HERC2: variants seen among roughly 807,000 people sequenced by gnomAD.
HERC2 encodes E3 ubiquitin-protein ligase HERC2.
A neutral mutation model predicts 537.7 loss-of-function variants in HERC2; 102 were observed. The observed-to-expected ratio is 0.19, with a 90% CI of 0.16 to 0.22. The LOEUF (loss-of-function observed/expected upper bound fraction) is 0.22, where lower values mean the gene tolerates loss of function less well. HERC2 is among the 10% of genes least tolerant of loss of function. HERC2 has a pLI of 1.00. For synonymous variants in HERC2, 2,224 were observed against 2,466.2 expected, an observed-to-expected ratio of 0.90 and a Z score of 2.91; for missense variants, 4,236 against 6,198.2, an observed-to-expected ratio of 0.68 and a Z score of 10.63.
chr15:28,274,468 G>A (rs368309643), intron 6 of HERC2, 21 bp from the exon 7 acceptor site: 54 of 1,588,556 alleles, frequency 3.4e-5, no homozygotes, highest in Non-Finnish European at 4.6e-5. Flanking sequence ...ACACGCGTCA[G>A]AGGAGCCCCC....
chr15:28,114,447 AC>A (rs1269982132), intron 90 of HERC2, among the ~76,000 whole-genome samples, 164 bp downstream of exon 90: 2 of 152,122 alleles, frequency 1.3e-5, no homozygotes, highest in East Asian at 3.9e-4. Flanking sequence ...ATAAATACCG[AC>A]CCTGATCACA....
intron 89 of HERC2, among the ~76,000 whole-genome samples, chr15:28,115,059 C>G (rs1888065199): frequency 6.6e-6 from 1 of 151,898 alleles, no homozygotes; most frequent in Admixed American, 6.6e-5. Context: ...AACTGGCTAG[C>G]AAGGGTTCCC....
Position 28,169,476 on chromosome 15 carries a change from A to T in HERC2, c.10229+8T>A, listed in dbSNP as rs1894477119. 6.4e-6 allele frequency: 10 copies of T among 1,554,792 alleles called. No individual in the cohort carries two copies. Among genetic ancestry groups the T allele is most frequent in the Non-Finnish European group, 7.8e-6 (9 of 1,149,500 alleles). ...TGCAGAATTTCAAAAATTAGCACAG[A>T]AGCCTACCTGGCATACATGATTTGC... is the stretch of plus-strand genomic sequence containing the variant. On this transcript the variant is annotated splice_region_variant and intron_variant, in intron 66 of 92. Transcript: ENST00000261609.
intron 83 of HERC2, 147 bp downstream of exon 83, chr15:28,130,016 G>A (rs1566923986): frequency 2.2e-5 from 19 of 867,354 alleles, no homozygotes; most frequent in Non-Finnish European, 2.8e-5. Flanking sequence ...CTCGTGATCC[G>A]CCTGCCTCAG....
chr15:28,140,540 G>C (rs966088451), intron 78 of HERC2, among the ~76,000 whole-genome samples: 9 of 152,098 alleles, frequency 5.9e-5, no homozygotes, highest in South Asian at 2.1e-4. Flanking sequence ...TTTGGGGGCG[G>C]AGACAGAATC....
intron 57 of HERC2, among the ~76,000 whole-genome samples, chr15:28,180,785 A>G (rs1895750349): frequency 6.6e-6 from 1 of 152,222 alleles, no homozygotes; most frequent in African/African-American, 2.4e-5. Flanking sequence ...TGTTGCCATT[A>G]TTCCCTAAAC....
intron 56 of HERC2, among the ~76,000 whole-genome samples, chr15:28,184,383 G>A (rs772462614): frequency 6.6e-6 from 1 of 152,130 alleles, no homozygotes; most frequent in Non-Finnish European, 1.5e-5. Context: ...CCTGTAGGAG[G>A]AGACTGCCTG....
intron 14 of HERC2, 143 bp from the exon 15 acceptor site, chr15:28,263,312 G>GGTGA: frequency 1.2e-6 from 1 of 812,426 alleles, no homozygotes; most frequent in Non-Finnish European, 1.9e-6. Flanking sequence ...TGGCTACTGA[G>GGTGA]CAAACGAAAT....
At chr15:28,229,119 A>G in intron 34 of HERC2, 76 bp downstream of exon 34, 5 of 1,278,730 alleles carry the variant, frequency 3.9e-6, no homozygotes, top group Non-Finnish European at 5.7e-6. Context: ...AAAAGCAAAA[A>G]TTGGCATTTG....
intron 16 of HERC2, among the ~76,000 whole-genome samples, chr15:28,259,370 C>T (rs1464520618): frequency 2.0e-5 from 3 of 152,138 alleles, no homozygotes; most frequent in Admixed American, 6.5e-5. Context: ...GCTGGGATTA[C>T]AGGCGTGAGC....
intron 44 of HERC2, among the ~76,000 whole-genome samples, chr15:28,208,152 T>C (rs1898690678): frequency 6.6e-6 from 1 of 152,216 alleles, no homozygotes; most frequent in Admixed American, 6.5e-5. Flanking sequence ...ATACTTTCAA[T>C]TGATTTCTTT....
At position 28,121,292 on chromosome 15, in the gene HERC2, C is replaced by A. The variant is rs78809959; in HGVS notation, c.13272+54G>T. ...GCTCTCGTCCCAGCCCAGGTACCCA[C>A]GAAAGCATCACTTCTAAGGCTGTCA... On this transcript the variant is annotated intron_variant, in intron 86 of 92. Coordinates refer to ENST00000261609, the MANE Select transcript of HERC2 (RefSeq NM_004667.6). 2.7e-5 allele frequency: 41 copies of A among 1,523,916 alleles called. No homozygotes were observed. The African/African-American group carries it at 4.1e-4, about 15-fold the overall frequency. 94.4% of individuals were successfully genotyped at this position (1,523,916 alleles called of 1,614,324 possible).
chr15:28,249,733 G>A (rs996917275), intron 20 of HERC2, among the ~76,000 whole-genome samples: 2 of 151,954 alleles, frequency 1.3e-5, no homozygotes, highest in Non-Finnish European at 2.9e-5. Flanking sequence ...TGCAACCTCC[G>A]CCTCCCGGGT....
intron 57 of HERC2, among the ~76,000 whole-genome samples, chr15:28,180,426 A>T (rs1895716530): frequency 1.3e-5 from 2 of 152,226 alleles, no homozygotes; most frequent in African/African-American, 4.8e-5. Flanking sequence ...ACTAATATGT[A>T]TGGTTACATT....
At position 28,264,884 on chromosome 15, in the gene HERC2, G is replaced by A. The variant is rs148097787; in HGVS notation, c.1870+734C>T. 2.3e-3 allele frequency among the ~76,000 whole-genome samples: 355 copies of A among 152,162 alleles called. 1 individual carries two copies. The highest frequency in any genetic ancestry group is 8.1e-3 in the African/African-American group (337 of 41,504). On this transcript the variant is annotated intron_variant, in intron 14 of 92. Transcript: ENST00000261609. ...GGACTCACAAAAGCAGAAACAACAC[G>A]GCTCTGACAAGGTCTGTCCCGTCAA...
chr15:28,137,820 A>C (rs1179816033), intron 78 of HERC2, among the ~76,000 whole-genome samples: 1 of 152,206 alleles, frequency 6.6e-6, no homozygotes, highest in African/African-American at 2.4e-5. Context: ...AAAGCTAGAA[A>C]TGATTAAGAT....
At chr15:28,178,838 G>A (rs752213318) in intron 59 of HERC2, 49 bp downstream of exon 59, 1 of 1,573,210 alleles carries the variant, frequency 6.4e-7, no homozygotes, top group Admixed American at 1.8e-5. Context: ...TAACAACGGA[G>A]CAGGAGCAAA....
chr15:28,214,736 T>C lies in HERC2; in HGVS notation c.6277A>G (p.Met2093Val). ...SWDKTERARD[M>V]KCLVEKLFDF... ...AACAGCTTCTCCACGAGGCATTTCA[T>C]GTCCCTCGCCCTTTCGGTCTTGTCC... Residue 2093 changes from methionine (M) to valine (V), a missense_variant, in exon 40 of 93, where the codon ATG (methionine) becomes GTG (valine). Physicochemically the swap from Met to Val is conservative, Grantham distance 21. Around this residue, in one of 27 missense-constraint regions of HERC2, gnomAD observed 365 missense variants for 468.8 expected, o/e 0.78. Transcript: ENST00000261609. 4 of 1,611,866 alleles carry C rather than the reference T, an allele frequency of 2.5e-6. No homozygotes were observed. The highest frequency in any genetic ancestry group is 2.2e-5 in the East Asian group (1 of 44,884).
At chr15:28,285,609 A>G (rs913913153) in intron 4 of HERC2, among the ~76,000 whole-genome samples, 1 of 151,974 alleles carries the variant, frequency 6.6e-6, no homozygotes, top group Non-Finnish European at 1.5e-5. Flanking sequence ...ACAAATCAAT[A>G]ATATAAGTGC....
Sources: gnomAD v4.1 joint callset for allele counts (sites outside exome capture counted in the v4.1 genomes callset) on GRCh38, gnomAD v4.1.1 for gene constraint, gnomAD v4.1.1 regional missense constraint, MANE v1.5 for transcripts, NCBI Gene and HGNC (gene_info 2026-07-23, HGNC 2026-07-21) for gene names.